Variants in CD38 observed in about 807,000 individuals in gnomAD.
CD38 encodes the protein ADP-ribosyl cyclase/cyclic ADP-ribose hydrolase 1.
A neutral mutation model predicts 36.3 loss-of-function variants in CD38; 31 were observed. That is an observed-to-expected ratio of 0.85 (90% CI 0.64 to 1.15). The LOEUF (loss-of-function observed/expected upper bound fraction) is 1.15, where lower values mean the gene tolerates loss of function less well. Among genes scored for constraint, CD38 ranks in the 50% most tolerant of loss-of-function variants. The pLI is 0.00. For synonymous variants in CD38, 131 were observed against 135.2 expected (o/e 0.97, Z 0.22); for missense variants, 380 against 371.9 (o/e 1.02, Z -0.18).
chr4:15,824,751 A>G, intron 2 of CD38, 130 bp from the exon 3 acceptor site: 1 of 731,372 alleles, frequency 1.4e-6, no homozygotes, highest in South Asian at 1.7e-5. Flanking sequence ...GCTTACAACA[A>G]TTCTTACTCT....
At chr4:15,808,390 C>T (rs1723390052) in intron 1 of CD38, among the ~76,000 whole-genome samples, 1 of 152,216 alleles carries the variant, frequency 6.6e-6, no homozygotes, top group African/African-American at 2.4e-5. Flanking sequence ...AACAGGTGAC[C>T]ACCAAGGGTG....
intron 1 of CD38, among the ~76,000 whole-genome samples, chr4:15,788,613 G>C (rs1722892133): frequency 6.6e-6 from 1 of 152,150 alleles, no homozygotes; most frequent in Admixed American, 6.6e-5. Flanking sequence ...GAACAGACTT[G>C]TTGCACGGGG....
At chr4:15,795,442 G>T (rs2148917133) in intron 1 of CD38, among the ~76,000 whole-genome samples, 1 of 152,200 alleles carries the variant, frequency 6.6e-6, no homozygotes, top group South Asian at 2.1e-4. Flanking sequence ...AATGTAGCAA[G>T]ATGCTAACAT....
intron 4 of CD38, among the ~76,000 whole-genome samples, 179 bp from the exon 5 acceptor site, chr4:15,837,913 A>G (rs1724104906): frequency 6.6e-6 from 1 of 152,242 alleles, no homozygotes; most frequent in South Asian, 2.1e-4. Context: ...GAACTCTGAT[A>G]TGAAGCATAA....
intron 6 of CD38, 54 bp downstream of exon 6, chr4:15,840,172 G>T: frequency 7.8e-7 from 1 of 1,282,798 alleles, no homozygotes; most frequent in Non-Finnish European, 1.1e-6. Context: ...GTCCACAAAA[G>T]AATCCACAGT....
At chr4:15,811,297 C>T (rs1723464120) in intron 1 of CD38, among the ~76,000 whole-genome samples, 1 of 152,028 alleles carries the variant, frequency 6.6e-6, no homozygotes, top group Admixed American at 6.5e-5. Flanking sequence ...TGTATTTTTT[C>T]TTTTGTTGCT....
chr4:15,779,134 A>G (rs918133502), intron 1 of CD38, among the ~76,000 whole-genome samples: 7 of 152,224 alleles, frequency 4.6e-5, no homozygotes, highest in African/African-American at 1.7e-4. Flanking sequence ...AGTGGTTTGC[A>G]AAGCCTGTGG....
At chr4:15,812,111 A>G (rs551076623) in intron 1 of CD38, among the ~76,000 whole-genome samples, 101 of 152,320 alleles carry the variant, frequency 6.6e-4, no homozygotes, top group African/African-American at 2.2e-3. Flanking sequence ...AAATAACTTG[A>G]CATACTATTA....
At chr4:15,840,589 A>C in intron 7 of CD38, 51 bp downstream of exon 7, 1 of 1,122,048 alleles carries the variant, frequency 8.9e-7, no homozygotes, top group Non-Finnish European at 1.3e-6. Context: ...CACCTGTAGA[A>C]TTTCCTTTTT....
intron 1 of CD38, among the ~76,000 whole-genome samples, chr4:15,803,495 A>G (rs1723273404): frequency 2.6e-5 from 4 of 152,222 alleles, no homozygotes; most frequent in Non-Finnish European, 5.9e-5. Context: ...AAGAAGACAT[A>G]AAATGGCCAC....
chr4:15,801,575 C>T (rs1480000733), intron 1 of CD38, among the ~76,000 whole-genome samples: 1 of 152,058 alleles, frequency 6.6e-6, no homozygotes, highest in Non-Finnish European at 1.5e-5. Context: ...TCCAACAGCA[C>T]ATTAATAAGT....
At chr4:15,835,893 C>T (rs1258916356) in intron 4 of CD38, among the ~76,000 whole-genome samples, 1 of 152,090 alleles carries the variant, frequency 6.6e-6, no homozygotes, top group African/African-American at 2.4e-5. Context: ...TCAAAGCTAC[C>T]TGTGTATATT....
intron 1 of CD38, among the ~76,000 whole-genome samples, chr4:15,790,171 C>T (rs1280869151): frequency 2.2e-5 from 1 of 45,044 alleles, no homozygotes; most frequent in Non-Finnish European, 3.9e-5. Context: ...CTCTCCCTCC[C>T]CCTCCCCCTC....
chr4:15,852,454 T>G lies in CD38; in HGVS notation c.*3852T>G, dbSNP rs1433880504. 6.6e-6 allele frequency: 1 copy of G among 152,234 alleles called. No homozygotes were observed. Among genetic ancestry groups the G allele is most frequent in the Non-Finnish European group, 1.5e-5 (1 of 68,046 alleles). 9.4% of individuals were successfully genotyped at this position (152,234 alleles called of 1,614,324 possible). ...GATTCCATACTGCACAGAAAACTGC[T>G]TTTGTGGGTTTTTAAAAGGCAAGTT... is the stretch of plus-strand genomic sequence containing the variant. On this transcript the variant is annotated 3_prime_UTR_variant, in exon 8 of 8. Transcript: ENST00000226279.
rs1179990633 is a variant in CD38, at chr4:15,778,841, A to G, written c.233+194A>G. On this transcript the variant is annotated intron_variant, in intron 1 of 7. Coordinates refer to ENST00000226279, the MANE Select transcript of CD38 (RefSeq NM_001775.4). This position sits in a 1 kb window ranked among gnomAD's most constrained non-coding sequence, Gnocchi z 4.9. ...GCTTTCAGGAGCAGCTGGCCTTGGCACCGAGCGTGCCCGCGGGAGGCGGGG... is the reference window on the plus strand; with the variant it reads ...GCTTTCAGGAGCAGCTGGCCTTGGCGCCGAGCGTGCCCGCGGGAGGCGGGG... Among the ~76,000 whole-genome samples, 1 of 149,818 alleles carries G rather than the reference A, an allele frequency of 6.7e-6. No individual in the cohort carries two copies. The highest frequency in any genetic ancestry group is 1.5e-5 in the Non-Finnish European group (1 of 67,492).
chr4:15,824,782 G>T, intron 2 of CD38, 99 bp from the exon 3 acceptor site: 1 of 919,570 alleles, frequency 1.1e-6, no homozygotes, highest in Non-Finnish European at 1.7e-6. Flanking sequence ...GATTTACTTT[G>T]ATATGCTCTG....
At chr4:15,779,860 A>C (rs1206820354) in intron 1 of CD38, among the ~76,000 whole-genome samples, 1 of 152,132 alleles carries the variant, frequency 6.6e-6, no homozygotes, top group Non-Finnish European at 1.5e-5. Flanking sequence ...ATAAAGATCT[A>C]TCTCATTTCT....
At position 15,778,646 on chromosome 4, in the gene CD38, A is replaced by G; in HGVS notation, c.232A>G (p.Arg78Gly). The part of the protein sequence containing the change: ...VKYTEIHPEM[R>G]HVDCQSVWDA... ...GTACACTGAAATTCATCCTGAGATG[A>G]GGTGGGTTGGCGACTAAGGCGCACC... The change falls in exon 1 of 8, where the codon AGA becomes GGA. Residue 78 changes from arginine (R) to glycine (G), a missense_variant and splice_region_variant. By Grantham distance (125) the Arg-to-Gly change is moderately radical. Coordinates refer to ENST00000226279, the MANE Select transcript of CD38 (RefSeq NM_001775.4). This position sits in a 1 kb window ranked among gnomAD's most constrained non-coding sequence, Gnocchi z 4.9. 1 of 1,607,078 alleles carries G rather than the reference A, an allele frequency of 6.2e-7. No homozygotes were observed. The highest frequency in any genetic ancestry group is 8.5e-7 in the Non-Finnish European group (1 of 1,174,114).
chr4:15,796,555 A>C (rs1723107969), intron 1 of CD38, among the ~76,000 whole-genome samples: 1 of 152,162 alleles, frequency 6.6e-6, no homozygotes, highest in Non-Finnish European at 1.5e-5. Context: ...TAGACAATAA[A>C]AATTTGCCAT....
Sources: gnomAD v4.1 joint callset for allele counts (sites outside exome capture counted in the v4.1 genomes callset) on GRCh38, gnomAD v4.1.1 for gene constraint, Gnocchi (gnomAD v3.1) non-coding constraint, MANE v1.5 for transcripts, NCBI Gene and HGNC (gene_info 2026-07-23, HGNC 2026-07-21) for gene names.